CHSY3: variants seen among roughly 807,000 people sequenced by gnomAD.
The protein encoded by CHSY3 is chondroitin sulfate synthase 3.
Under a neutral mutation model 67.2 loss-of-function variants are expected in CHSY3, and 35 were observed. The observed-to-expected ratio is 0.52, with a 90% CI of 0.40 to 0.69. The LOEUF (loss-of-function observed/expected upper bound fraction) is 0.69. Ranked by LOEUF, CHSY3 falls within the 30% of genes least tolerant of loss-of-function variation. The pLI, the probability that CHSY3 is intolerant of heterozygous loss-of-function variation, is 0.00. For missense variants in CHSY3, 1,069 were observed against 1,138.5 expected, an observed-to-expected ratio of 0.94 and a Z score of 0.88; for synonymous variants, 474 against 434.7, an observed-to-expected ratio of 1.09 and a Z score of -1.12.
intron 2 of CHSY3, among the ~76,000 whole-genome samples, chr5:130,183,404 G>A (rs1021672510): frequency 2.0e-5 from 3 of 151,938 alleles, no homozygotes; most frequent in Non-Finnish European, 4.4e-5. Context: ...ATCTTACCAA[G>A]AACTTACTCG....
intron 2 of CHSY3, among the ~76,000 whole-genome samples, chr5:129,979,900 T>A (rs1762933126): frequency 6.6e-6 from 1 of 152,204 alleles, no homozygotes; most frequent in Non-Finnish European, 1.5e-5. Flanking sequence ...CATTTAAGAT[T>A]CTCCTATGTC....
chr5:130,118,471 C>CAT (rs1334539238), intron 2 of CHSY3, among the ~76,000 whole-genome samples: 8 of 150,364 alleles, frequency 5.3e-5, no homozygotes, highest in Admixed American at 5.3e-4. Context: ...TATACACATA[C>CAT]ATATATATAA....
intron 2 of CHSY3, among the ~76,000 whole-genome samples, chr5:129,908,600 C>T (rs1434238546): frequency 1.3e-5 from 2 of 152,060 alleles, no homozygotes; most frequent in African/African-American, 2.4e-5. Flanking sequence ...ATGGCCACAT[C>T]TCTGGAAGAT....
At chr5:130,030,469 T>C (rs1188808679) in intron 2 of CHSY3, among the ~76,000 whole-genome samples, 2 of 152,270 alleles carry the variant, frequency 1.3e-5, no homozygotes, top group Admixed American at 6.5e-5. Context: ...AGGTTAATTT[T>C]CCAAAAGGAG....
chr5:130,093,772 C>T (rs145790272), intron 2 of CHSY3, among the ~76,000 whole-genome samples: 10 of 152,120 alleles, frequency 6.6e-5, no homozygotes, highest in African/African-American at 2.2e-4. Context: ...TCATTTTCAT[C>T]CTTTAATTTT....
chr5:130,068,102 T>A (rs1004383298), intron 2 of CHSY3, among the ~76,000 whole-genome samples: 7 of 152,160 alleles, frequency 4.6e-5, no homozygotes, highest in Non-Finnish European at 7.3e-5. Context: ...ATGTGGCCTG[T>A]TTCAATATTG....
chr5:130,097,619 TTAAGTG>T (rs1767091981), intron 2 of CHSY3, among the ~76,000 whole-genome samples: 1 of 152,256 alleles, frequency 6.6e-6, no homozygotes, highest in Non-Finnish European at 1.5e-5. Context: ...TTCAAACTAA[TTAAGTG>T]TAACTACGTG....
chr5:129,992,499 A>G (rs1278562095), intron 2 of CHSY3, among the ~76,000 whole-genome samples: 1 of 152,212 alleles, frequency 6.6e-6, no homozygotes, highest in Non-Finnish European at 1.5e-5. Context: ...GGACAGAACA[A>G]ACTGGCACTC....
chr5:130,179,328 A>T (rs1331935987), intron 2 of CHSY3, among the ~76,000 whole-genome samples: 2 of 151,490 alleles, frequency 1.3e-5, no homozygotes, highest in Admixed American at 6.6e-5. Context: ...CTTCTGTTTT[A>T]TTTTTTTTCC....
chr5:129,908,981 T>C lies in CHSY3; in HGVS notation c.1086+621T>C, dbSNP rs568408489. Among the ~76,000 whole-genome samples the C allele has an allele frequency of 6.6e-5, 10 of 152,264 alleles. No individual in the cohort carries two copies. In the South Asian group the frequency reaches 2.1e-3, roughly 32 times the overall value. On this transcript the variant is annotated intron_variant, in intron 2 of 2. Transcript: ENST00000305031. ...TGGAAAAAAGCAGAAGTTTAAATGG[T>C]GTGCAGTAGCTGCTTAGTATTTTTG...
intron 2 of CHSY3, among the ~76,000 whole-genome samples, chr5:130,030,330 TTTTACA>T (rs1329308654): frequency 2.0e-5 from 3 of 152,172 alleles, no homozygotes; most frequent in African/African-American, 7.2e-5. Flanking sequence ...GGAGGCAGCA[TTTTACA>T]TTTCCTTTAT....
intron 2 of CHSY3, among the ~76,000 whole-genome samples, chr5:130,131,831 C>T (rs1419022210): frequency 6.6e-6 from 1 of 152,132 alleles, no homozygotes; most frequent in Non-Finnish European, 1.5e-5. Flanking sequence ...GAGCCTGGAA[C>T]AATGTGTGTA....
At chr5:130,116,272 G>A (rs996604372) in intron 2 of CHSY3, among the ~76,000 whole-genome samples, 3 of 152,298 alleles carry the variant, frequency 2.0e-5, no homozygotes, top group South Asian at 4.1e-4. Flanking sequence ...ACAAAAAAAC[G>A]TGGCAAGGAT....
At chr5:129,918,294 A>G (rs1329115050) in intron 2 of CHSY3, among the ~76,000 whole-genome samples, 2 of 152,248 alleles carry the variant, frequency 1.3e-5, no homozygotes, top group Admixed American at 1.3e-4. Context: ...ATATCTCAGT[A>G]ATACGTAATA....
intron 2 of CHSY3, among the ~76,000 whole-genome samples, chr5:129,963,773 T>C (rs2149609203): frequency 6.6e-6 from 1 of 152,060 alleles, no homozygotes; most frequent in Non-Finnish European, 1.5e-5. Flanking sequence ...TTGGCTAATC[T>C]TGGGTCCTAT....
At chr5:129,911,370 A>G (rs991921152) in intron 2 of CHSY3, among the ~76,000 whole-genome samples, 2 of 152,142 alleles carry the variant, frequency 1.3e-5, no homozygotes, top group South Asian at 4.1e-4. Context: ...CCATCCTAAC[A>G]CTTACTAGTT....
At chr5:130,162,988 T>TGAAACTTGTGCAAATCAGC (rs1769603456) in intron 2 of CHSY3, among the ~76,000 whole-genome samples, 1 of 152,060 alleles carries the variant, frequency 6.6e-6, no homozygotes, top group African/African-American at 2.4e-5. Flanking sequence ...TTTCAATCAG[T>TGAAACTTGTGCAAATCAGC]GCAACTTGTG....
chr5:130,006,451 G>A (rs767758874), intron 2 of CHSY3, among the ~76,000 whole-genome samples: 1 of 152,166 alleles, frequency 6.6e-6, no homozygotes, highest in East Asian at 1.9e-4. Context: ...TAATCAGAGG[G>A]TGAGCTCTGT....
At chr5:130,092,834 A>G (rs1766923827) in intron 2 of CHSY3, among the ~76,000 whole-genome samples, 1 of 152,188 alleles carries the variant, frequency 6.6e-6, no homozygotes, top group Non-Finnish European at 1.5e-5. Context: ...AAATGGAACC[A>G]TGTGTAGGAA....
Sources: gnomAD v4.1 joint callset for allele counts (sites outside exome capture counted in the v4.1 genomes callset) on GRCh38, gnomAD v4.1.1 for gene constraint, MANE v1.5 for transcripts, NCBI Gene and HGNC (gene_info 2026-07-23, HGNC 2026-07-21) for gene names.